Variants in SCIN observed in about 807,000 individuals in gnomAD.
SCIN encodes adseverin.
A neutral mutation model predicts 91.8 loss-of-function variants in SCIN; 91 were observed. That is an observed-to-expected ratio of 0.99 (90% confidence interval 0.84 to 1.18). The LOEUF is 1.18. Ranked by LOEUF, SCIN falls within the 50% of genes most tolerant of loss-of-function variation. SCIN has a pLI of 0.00. For synonymous variants in SCIN, 367 were observed against 312.6 expected, an observed-to-expected ratio of 1.17 and a Z score of -1.84; for missense variants, 1,087 against 863.9, an observed-to-expected ratio of 1.26 and a Z score of -3.24.
rs543302482 is a variant in SCIN, at chr7:12,601,181, G to A, written c.517-3333G>A. Among the ~76,000 whole-genome samples the A allele has an allele frequency of 7.2e-5, 11 of 152,256 alleles. No homozygotes were observed. In the East Asian group the frequency reaches 7.7e-4, roughly 11 times the overall value. On this transcript the variant is annotated intron_variant, in intron 3 of 15. Transcript: ENST00000297029. Reference sequence around the variant, plus strand: ...GTGTATTTTATTCTTAAAGAGGACCGTGGATTAGGTCATCAGGAATGTTAA... The same window carrying A: ...GTGTATTTTATTCTTAAAGAGGACCATGGATTAGGTCATCAGGAATGTTAA...
At chr7:12,644,416 G>A (rs981027263) in intron 12 of SCIN, 101 bp downstream of exon 12, 115 of 1,449,236 alleles carry the variant, frequency 7.9e-5, no homozygotes, top group Non-Finnish European at 1.0e-4. Context: ...GGCTTATAAG[G>A]GTTAACAATC....
At chr7:12,625,619 G>A (rs545159793) in intron 6 of SCIN, 143 bp from the exon 7 acceptor site, 74 of 624,026 alleles carry the variant, frequency 1.2e-4, no homozygotes, top group African/African-American at 9.5e-4. Context: ...GTGAGCCACC[G>A]CACCCGGCCA....
rs1021743775 is a variant in SCIN, at chr7:12,636,232, C to T, written c.1410+97C>T. The T allele has an allele frequency of 5.0e-6, 4 of 802,626 alleles. No homozygotes were observed. In the African/African-American group the frequency reaches 6.9e-5, roughly 14 times the overall value. The allele number at this position is 802,626 out of a possible 1,614,324, so 49.7% of individuals were successfully genotyped here. On this transcript the variant is annotated intron_variant, in intron 10 of 15. Transcript: ENST00000297029. ...CTCCCAAGTTGGGATAGAAATTTGA[C>T]ATTTTCTTGATATGAACTGTGTTTT...
chr7:12,604,759 G>A, intron 4 of SCIN, 96 bp downstream of exon 4: 1 of 1,028,006 alleles, frequency 9.7e-7, no homozygotes, highest in Admixed American at 2.7e-5. Context: ...GGGTGGGGAA[G>A]AAGGGGAAAG....
At position 12,629,241 on chromosome 7, in the gene SCIN, AG is replaced by A. The variant is rs1446002948; in HGVS notation, c.1319+20del. The A allele has an allele frequency of 6.3e-7, 1 of 1,589,270 alleles. No homozygotes were observed. Among genetic ancestry groups the A allele is most frequent in the South Asian group, 1.2e-5 (1 of 85,780 alleles). ...ACACGTGGTGAGTTTATACGGGTAAAGATCTCGAGTTCCACAGGAGCCAGAT... is the reference window on the plus strand; with the variant it reads ...ACACGTGGTGAGTTTATACGGGTAAAATCTCGAGTTCCACAGGAGCCAGAT... On this transcript the variant is annotated intron_variant, in intron 9 of 15. Transcript: ENST00000297029.
At chr7:12,598,153 A>C (rs1310392277) in intron 3 of SCIN, among the ~76,000 whole-genome samples, 1 of 152,240 alleles carries the variant, frequency 6.6e-6, no homozygotes, top group Non-Finnish European at 1.5e-5. Flanking sequence ...TTATACATAA[A>C]ATAACTTAGA....
At position 12,570,937 on chromosome 7, in the gene SCIN, A is replaced by T; in HGVS notation, c.151A>T (p.Thr51Ser). The T allele has an allele frequency of 6.4e-7, 1 of 1,551,314 alleles. No homozygotes were observed. The highest frequency in any genetic ancestry group is 2.4e-5 in the East Asian group (1 of 40,872). Reference protein sequence around the residue: ...YVGDAYLVLHTAKTSRGFTYH... With the variant: ...YVGDAYLVLHSAKTSRGFTYH... ...CGGGGATGCCTACCTGGTGCTGCACACGGCCAAGACGAGCCGAGGCTTCAC... is the reference window on the plus strand; with the variant it reads ...CGGGGATGCCTACCTGGTGCTGCACTCGGCCAAGACGAGCCGAGGCTTCAC... The change falls in exon 1 of 16, where the codon ACG (threonine) becomes TCG (serine). Residue 51 changes from threonine to serine, a missense_variant. Coordinates refer to ENST00000297029, the MANE Select transcript of SCIN (RefSeq NM_001112706.3).
At chr7:12,610,749 C>T (rs191084456) in intron 4 of SCIN, among the ~76,000 whole-genome samples, 45 of 152,230 alleles carry the variant, frequency 3.0e-4, no homozygotes, top group African/African-American at 9.9e-4. Context: ...AAATATTCTG[C>T]TCCTCTTCTT....
chr7:12,652,657 G>T lies in SCIN; in HGVS notation c.2090G>T (p.Gly697Val). Residue 697 changes from glycine to valine, a missense_variant, in exon 16 of 16, where the codon GGC becomes GTC. Physicochemically the swap from Gly to Val is moderately radical, Grantham distance 109. Coordinates refer to ENST00000297029, the MANE Select transcript of SCIN (RefSeq NM_001112706.3). ...KRTPIVIIKQ[G>V]HEPPTFTGWF... ...ACACCAATTGTCATCATAAAACAGGGCCATGAGCCACCCACATTCACAGGC... is the reference window on the plus strand; with the variant it reads ...ACACCAATTGTCATCATAAAACAGGTCCATGAGCCACCCACATTCACAGGC... The T allele has an allele frequency of 6.2e-7, 1 of 1,610,262 alleles. No individual in the cohort carries two copies. The highest frequency in any genetic ancestry group is 8.5e-7 in the Non-Finnish European group (1 of 1,178,800).
intron 4 of SCIN, among the ~76,000 whole-genome samples, chr7:12,619,496 C>T (rs763160338): frequency 5.9e-5 from 9 of 152,156 alleles, no homozygotes; most frequent in Non-Finnish European, 1.0e-4. Flanking sequence ...TACAAATTTC[C>T]ACATAAGCCT....
chr7:12,630,078 T>C (rs1341297741), intron 9 of SCIN, among the ~76,000 whole-genome samples: 1 of 152,136 alleles, frequency 6.6e-6, no homozygotes, highest in East Asian at 1.9e-4. Flanking sequence ...AATAGGTATA[T>C]AGAATATAGA....
chr7:12,574,003 C>G (rs935787349), intron 1 of SCIN, among the ~76,000 whole-genome samples: 3 of 152,078 alleles, frequency 2.0e-5, no homozygotes, highest in African/African-American at 7.2e-5. Flanking sequence ...CTTACAAAAC[C>G]AAATATACTA....
intron 4 of SCIN, among the ~76,000 whole-genome samples, chr7:12,614,143 T>C (rs545386492): frequency 6.6e-6 from 1 of 152,334 alleles, no homozygotes; most frequent in African/African-American, 2.4e-5. Flanking sequence ...TATTCACTGT[T>C]ATGGAACACT....
intron 1 of SCIN, chr7:12,577,475 T>C (rs982099530): frequency 6.6e-6 from 3 of 454,084 alleles, no homozygotes; most frequent in Non-Finnish European, 1.3e-5. Flanking sequence ...TAAATCTCAT[T>C]GGAATAGATT....
At chr7:12,635,940 C>T in intron 9 of SCIN, 105 bp from the exon 10 acceptor site, 2 of 814,796 alleles carry the variant, frequency 2.5e-6, no homozygotes, top group Non-Finnish European at 4.1e-6. Flanking sequence ...AAACAGTTCG[C>T]TTCTTCTTGA....
At chr7:12,609,290 C>A (rs1027728087) in intron 4 of SCIN, among the ~76,000 whole-genome samples, 12 of 152,152 alleles carry the variant, frequency 7.9e-5, no homozygotes, top group Non-Finnish European at 1.5e-4. Flanking sequence ...AAACTAAACT[C>A]TGTAACTAAA....
Position 12,655,644 on chromosome 7 carries a change from G to C in SCIN, c.*2929G>C, listed in dbSNP as rs1784152373. 1 of 152,192 alleles carries C rather than the reference G, an allele frequency of 6.6e-6. No individual in the cohort carries two copies. Among genetic ancestry groups the C allele is most frequent in the Non-Finnish European group, 1.5e-5 (1 of 68,024 alleles). 9.4% of individuals were successfully genotyped at this position (152,192 alleles called of 1,614,324 possible). On this transcript the variant is annotated 3_prime_UTR_variant, in exon 16 of 16. Transcript: ENST00000297029. ...AGGGTTACAGGTTCACCCATACACT[G>C]TTAATAGATGTATAAACTGGTCAAA... is the stretch of plus-strand genomic sequence containing the variant.
At chr7:12,619,051 TTAAAG>T (rs1783354356) in intron 4 of SCIN, among the ~76,000 whole-genome samples, 1 of 152,030 alleles carries the variant, frequency 6.6e-6, no homozygotes, top group Non-Finnish European at 1.5e-5. Flanking sequence ...ATCTATGAAG[TTAAAG>T]TAATCATGAT....
At position 12,618,745 on chromosome 7, in the gene SCIN, C is replaced by A. The variant is rs115634716; in HGVS notation, c.667-4056C>A. Reference sequence around the variant, plus strand: ...TTCACTCTTACAATTTATTTCTATGCTCCCTATGTTACACTCTACTGATTG... The same window carrying A: ...TTCACTCTTACAATTTATTTCTATGATCCCTATGTTACACTCTACTGATTG... On this transcript the variant is annotated intron_variant, in intron 4 of 15. Transcript: ENST00000297029. Among the ~76,000 whole-genome samples, 586 of 152,224 alleles carry A rather than the reference C, an allele frequency of 3.8e-3. 6 individuals carry two copies. The highest frequency in any genetic ancestry group is 0.013 in the African/African-American group (559 of 41,560).
Sources: gnomAD v4.1 joint callset for allele counts (sites outside exome capture counted in the v4.1 genomes callset) on GRCh38, gnomAD v4.1.1 for gene constraint, MANE v1.5 for transcripts, NCBI Gene and HGNC (gene_info 2026-07-23, HGNC 2026-07-21) for gene names.